MAP2: variants seen among roughly 807,000 people sequenced by gnomAD.
The protein encoded by MAP2 is microtubule-associated protein 2.
Under a neutral mutation model 137.6 loss-of-function variants are expected in MAP2, and 14 were observed. That is an observed-to-expected ratio of 0.10 (90% CI 0.07 to 0.16). MAP2 has a LOEUF of 0.16. MAP2 is among the 10% of genes least tolerant of loss of function. The pLI, the probability that MAP2 is intolerant of heterozygous loss-of-function variation, is 1.00. For synonymous variants in MAP2, 786 were observed against 782.3 expected (o/e 1.00, Z -0.08); for missense variants, 2,088 against 2,191.5 (o/e 0.95, Z 0.94).
chr2:209,711,897 T>C (rs1263856035), intron 13 of MAP2, among the ~76,000 whole-genome samples: 1 of 152,132 alleles, frequency 6.6e-6, no homozygotes, highest in African/African-American at 2.4e-5. Flanking sequence ...CTCAACTAGA[T>C]ATGGGGTTTA....
chr2:209,697,024 C>G lies in MAP2; in HGVS notation c.4495C>G (p.Leu1499Val). ...TATCAAATATACTAGACCAACTCAT[C>G]TCTCCTGTGTTAAGCGGAAAACCAC... Reference protein sequence around the residue: ...PAIKYTRPTHLSCVKRKTTAA... With the variant: ...PAIKYTRPTHVSCVKRKTTAA... Residue 1499 changes from leucine to valine, a missense_variant, in exon 10 of 16, where the codon CTC (leucine) becomes GTC (valine). Physicochemically the swap from Leu to Val is conservative, Grantham distance 32. Around this residue, in one of 6 missense-constraint regions of MAP2, gnomAD observed 591 missense variants for 642.6 expected, o/e 0.92. Transcript: ENST00000682079. 2 of 1,611,772 alleles carry G rather than the reference C, an allele frequency of 1.2e-6. No individual in the cohort carries two copies. The highest frequency in any genetic ancestry group is 1.7e-6 in the Non-Finnish European group (2 of 1,179,522).
chr2:209,591,060 T>TTGTTC (rs1346018102), intron 3 of MAP2, among the ~76,000 whole-genome samples: 1 of 151,948 alleles, frequency 6.6e-6, no homozygotes. Context: ...GTTTTTGTTT[T>TTGTTC]TGTTTTGTTT....
At chr2:209,714,436 A>G (rs2066722445) in intron 13 of MAP2, among the ~76,000 whole-genome samples, 1 of 152,220 alleles carries the variant, frequency 6.6e-6, no homozygotes, top group South Asian at 2.1e-4. Flanking sequence ...CAGGTTAGCT[A>G]GGCTACAGAT....
rs767333832 is a variant in MAP2 at position 209,696,696 on chromosome 2, A to G, written c.4335A>G (p.Val1445=). 4 of 1,614,074 alleles carry G rather than the reference A, an allele frequency of 2.5e-6. No homozygotes were observed. The Admixed American group carries it at 6.7e-5, about 27-fold the overall frequency. Residue 1445 remains valine (V), a synonymous_variant, in exon 9 of 16, where the codon GTA becomes GTG. Transcript: ENST00000682079. ...GAATTTCCACTCCTGAAAGAAAAGT[A>G]GCTAAAAAGGAACCTAGCACAGTCT... The part of the protein sequence containing the change: ...RGRISTPERK[V]AKKEPSTVSR...
At chr2:209,512,531 T>C (rs1377744021) in intron 2 of MAP2, among the ~76,000 whole-genome samples, 2 of 149,970 alleles carry the variant, frequency 1.3e-5, no homozygotes, top group East Asian at 2.0e-4. Flanking sequence ...CTTCAAAATA[T>C]ATTAATGAAA....
At chr2:209,522,203 A>G (rs1398779641) in intron 2 of MAP2, among the ~76,000 whole-genome samples, 2 of 152,088 alleles carry the variant, frequency 1.3e-5, no homozygotes, top group South Asian at 2.1e-4. Flanking sequence ...TTCAGTAAAG[A>G]CAGTAATATA....
intron 3 of MAP2, among the ~76,000 whole-genome samples, chr2:209,596,291 T>C (rs1339060510): frequency 6.6e-6 from 1 of 152,138 alleles, no homozygotes; most frequent in African/African-American, 2.4e-5. Context: ...AAACACAGCA[T>C]CTTTATTGAT....
intron 2 of MAP2, among the ~76,000 whole-genome samples, chr2:209,562,003 G>C (rs1047540311): frequency 6.6e-6 from 1 of 152,104 alleles, no homozygotes; most frequent in Admixed American, 6.5e-5. Context: ...CATTTTGTTT[G>C]ATAATTACTA....
At chr2:209,729,812 C>A in intron 14 of MAP2, 38 bp from the exon 15 acceptor site, 1 of 1,380,498 alleles carries the variant, frequency 7.2e-7, no homozygotes, top group Non-Finnish European at 1.0e-6. Context: ...ACCACGAATG[C>A]AAGATATAGT....
chr2:209,428,466 T>A (rs1347201624), intron 1 of MAP2, among the ~76,000 whole-genome samples: 1 of 151,888 alleles, frequency 6.6e-6, no homozygotes, highest in Non-Finnish European at 1.5e-5. Flanking sequence ...TTCTTTCCTT[T>A]TTTGTCTTCT....
chr2:209,704,251 A>G (rs969613473), intron 11 of MAP2, among the ~76,000 whole-genome samples: 12 of 152,102 alleles, frequency 7.9e-5, no homozygotes, highest in Non-Finnish European at 1.5e-5. Flanking sequence ...GACTATTATT[A>G]AGTTAGTTTT....
rs1694914562 is a variant in MAP2, at chr2:209,433,616, AAATCCCTCT to A, written c.-222+9342_-222+9350del. 5.3e-5 allele frequency among the ~76,000 whole-genome samples: 8 copies of A among 152,242 alleles called. No individual in the cohort carries two copies. In the South Asian group the frequency reaches 1.7e-3, roughly 32 times the overall value. Reference sequence around the variant, plus strand: ...CTTTCAAAGATTAATTATATCTTCTAAATCCCTCTAGATATATCTGTATCTTATTTGCTA... The same window carrying A: ...CTTTCAAAGATTAATTATATCTTCTAAGATATATCTGTATCTTATTTGCTA... On this transcript the variant is annotated intron_variant, in intron 1 of 15. Coordinates refer to ENST00000682079, the MANE Select transcript of MAP2 (RefSeq NM_001375505.1).
Position 209,621,731 on chromosome 2 carries a change from G to A in MAP2, c.-106-3322G>A, listed in dbSNP as rs538345584. 2.6e-5 allele frequency among the ~76,000 whole-genome samples: 4 copies of A among 152,256 alleles called. No individual in the cohort carries two copies. In the South Asian group the frequency reaches 8.3e-4, roughly 32 times the overall value. On this transcript the variant is annotated intron_variant, in intron 3 of 15. Coordinates refer to ENST00000682079, the MANE Select transcript of MAP2 (RefSeq NM_001375505.1). ...AACCTGAGTTCTTACAGCCGTTGAG[G>A]AAACCACAACATGGCAACATTTTCT...
At chr2:209,724,504 G>A (rs1247358038) in intron 13 of MAP2, among the ~76,000 whole-genome samples, 1 of 152,104 alleles carries the variant, frequency 6.6e-6, no homozygotes, top group Non-Finnish European at 1.5e-5. Flanking sequence ...TTTACAGGGT[G>A]TCGAGTCTAG....
intron 2 of MAP2, among the ~76,000 whole-genome samples, chr2:209,564,713 G>A (rs1399801368): frequency 6.6e-6 from 1 of 152,016 alleles, no homozygotes; most frequent in East Asian, 1.9e-4. Flanking sequence ...AACCACAGAT[G>A]CAAAGAATTA....
chr2:209,462,817 CAA>C (rs1484315067), intron 1 of MAP2, among the ~76,000 whole-genome samples: 1 of 152,062 alleles, frequency 6.6e-6, no homozygotes, highest in African/African-American at 2.4e-5. Context: ...AAATATATTG[CAA>C]AGACATCATT....
intron 11 of MAP2, chr2:209,704,024 G>C (rs143385469): frequency 2.2e-6 from 1 of 455,280 alleles, no homozygotes; most frequent in Admixed American, 2.4e-5. Flanking sequence ...GGTATATTAC[G>C]TGATGCTGAG....
Position 209,696,114 on chromosome 2 carries a change from A to C in MAP2, c.3944A>C (p.Glu1315Ala), listed in dbSNP as rs2060112516. 2 of 1,613,782 alleles carry C rather than the reference A, an allele frequency of 1.2e-6. No individual in the cohort carries two copies. The highest frequency in any genetic ancestry group is 4.5e-5 in the East Asian group (2 of 44,860). ...GSHSVRFAAL[E>A]QPEVERRPSP... The stretch of plus-strand genomic sequence containing the variant: ...CACAGCGTGCGTTTTGCAGCCCTAG[A>C]GCAGCCTGAGGTGGAAAGGAGACCA... Residue 1315 changes from glutamate to alanine, a missense_variant, in exon 8 of 16, where the codon GAG becomes GCG. Glu to Ala is a moderately radical substitution (Grantham distance 107). This residue lies in a region of MAP2 where 591 missense variants were observed against 642.6 expected (regional missense o/e 0.92). Transcript: ENST00000682079.
chr2:209,464,506 G>A (rs1703650429), intron 1 of MAP2, among the ~76,000 whole-genome samples: 1 of 152,088 alleles, frequency 6.6e-6, no homozygotes, highest in African/African-American at 2.4e-5. Flanking sequence ...GTGTGGGAGA[G>A]TTTGAGGACG....
Sources: allele counts gnomAD v4.1 joint callset (sites outside exome capture counted in the v4.1 genomes callset), GRCh38; gene constraint gnomAD v4.1.1; regional missense constraint gnomAD v4.1.1; transcripts MANE v1.5; gene names NCBI Gene and HGNC (gene_info 2026-07-23, HGNC 2026-07-21).